CLDN16: variants seen among roughly 807,000 people sequenced by gnomAD.
CLDN16 encodes claudin-16.
In CLDN16, 13 loss-of-function variants were observed where a neutral mutation model predicts 24.6. The observed-to-expected ratio is 0.53, with a 90% CI of 0.34 to 0.84. The LOEUF (loss-of-function observed/expected upper bound fraction) is 0.84. CLDN16 is among the 40% of genes least tolerant of loss of function. The pLI is 0.01. For synonymous variants in CLDN16, 116 were observed against 106.7 expected (o/e 1.09, Z -0.54); for missense variants, 298 against 292.7 (o/e 1.02, Z -0.13).
intron 1 of CLDN16, among the ~76,000 whole-genome samples, chr3:190,340,171 A>G (rs890029333): frequency 6.6e-6 from 1 of 152,210 alleles, no homozygotes; most frequent in African/African-American, 2.4e-5. Context: ...CCTCAATGTA[A>G]TAAGGGCTAT....
At chr3:190,375,892 C>T (rs1388418465) in intron 3 of CLDN16, among the ~76,000 whole-genome samples, 3 of 150,190 alleles carry the variant, frequency 2.0e-5, no homozygotes, top group African/African-American at 7.4e-5. Context: ...CACAAAAAAA[C>T]ACCCTGAGTT....
At chr3:190,356,480 C>G (rs764533685) in intron 1 of CLDN16, among the ~76,000 whole-genome samples, 5 of 151,768 alleles carry the variant, frequency 3.3e-5, no homozygotes, top group African/African-American at 1.2e-4. Flanking sequence ...CTGCCAGGCC[C>G]AAATACCACT....
chr3:190,409,681 A>G (rs1267586108), intron 4 of CLDN16, among the ~76,000 whole-genome samples: 2 of 152,086 alleles, frequency 1.3e-5, no homozygotes, highest in Non-Finnish European at 2.9e-5. Flanking sequence ...ATGAAGAAAA[A>G]AAAAATAACA....
the CLDN16 span, chr3:190,310,074 C>T: frequency 2.0e-6 from 2 of 1,010,164 alleles, no homozygotes; most frequent in South Asian, 1.3e-5. Flanking sequence ...TTCTTGAAAG[C>T]AAATCTGGGA....
chr3:190,379,073 G>A (rs747039146), intron 3 of CLDN16, among the ~76,000 whole-genome samples: 3 of 152,016 alleles, frequency 2.0e-5, no homozygotes, highest in South Asian at 2.1e-4. Context: ...GCAAAGAAAC[G>A]TACTTGATTT....
intron 1 of CLDN16, among the ~76,000 whole-genome samples, chr3:190,338,612 G>A (rs1183434371): frequency 6.6e-6 from 1 of 152,164 alleles, no homozygotes; most frequent in African/African-American, 2.4e-5. Context: ...ATGAACTGAA[G>A]TCCTAGCTGA....
At chr3:190,292,497 C>T in the CLDN16 span, among the ~76,000 whole-genome samples, 1 of 152,160 alleles carries the variant, frequency 6.6e-6, no homozygotes, top group African/African-American at 2.4e-5. Context: ...CTCTGACATG[C>T]CCTGGAGATA....
the CLDN16 span, among the ~76,000 whole-genome samples, chr3:190,292,405 G>A: frequency 2.0e-5 from 3 of 152,208 alleles, no homozygotes; most frequent in Admixed American, 2.0e-4. Flanking sequence ...GTATACAGCA[G>A]TATGGCCCTG....
intron 1 of CLDN16, among the ~76,000 whole-genome samples, chr3:190,346,923 T>A (rs1717563521): frequency 6.6e-6 from 1 of 152,186 alleles, no homozygotes; most frequent in Admixed American, 6.5e-5. Context: ...CAGTATTACC[T>A]TATTACTTCC....
the CLDN16 span, chr3:190,307,723 A>G: frequency 6.5e-6 from 1 of 152,920 alleles, no homozygotes; most frequent in Admixed American, 6.5e-5. Flanking sequence ...ACGCATGAAG[A>G]ATTGAAAGAA....
the CLDN16 span, among the ~76,000 whole-genome samples, chr3:190,291,260 C>T: frequency 6.6e-6 from 1 of 152,142 alleles, no homozygotes; most frequent in African/African-American, 2.4e-5. Flanking sequence ...ATGTATTAGT[C>T]TGTTCTCATA....
intron 1 of CLDN16, among the ~76,000 whole-genome samples, chr3:190,329,263 T>C (rs9809713): frequency 0.5 from 75,222 of 151,916 alleles, 18,883 homozygotes; most frequent in East Asian, 0.7. Flanking sequence ...CCACCAGAGA[T>C]GGGTGAAAGT....
At chr3:190,334,243 T>C (rs1244521560) in intron 1 of CLDN16, among the ~76,000 whole-genome samples, 2 of 152,146 alleles carry the variant, frequency 1.3e-5, no homozygotes, top group African/African-American at 4.8e-5. Flanking sequence ...TGAGGGAAGT[T>C]GTAGTGGGCT....
chr3:190,366,458 C>T (rs1246349170), intron 1 of CLDN16, among the ~76,000 whole-genome samples: 8 of 151,852 alleles, frequency 5.3e-5, no homozygotes, highest in African/African-American at 1.4e-4. Flanking sequence ...GTATCTTAGG[C>T]CCACTCCTGA....
intron 1 of CLDN16, among the ~76,000 whole-genome samples, chr3:190,324,153 A>G (rs1717005412): frequency 6.6e-6 from 1 of 152,272 alleles, no homozygotes; most frequent in Non-Finnish European, 1.5e-5. Context: ...TTTGTTCCAA[A>G]CATTTAAGAA....
intron 2 of CLDN16, among the ~76,000 whole-genome samples, chr3:190,371,955 GT>G (rs1718152355): frequency 6.6e-6 from 1 of 151,904 alleles, no homozygotes. Flanking sequence ...GCCACCATAA[GT>G]TTTTGCGTCT....
rs1179683712 is a variant in CLDN16, at chr3:190,411,086, C to T, written c.*1050C>T. 6.6e-6 allele frequency: 1 copy of T among 152,120 alleles called. No individual in the cohort carries two copies. Among genetic ancestry groups the T allele is most frequent in the Non-Finnish European group, 1.5e-5 (1 of 68,074 alleles). 9.4% of individuals were successfully genotyped at this position (152,120 alleles called of 1,614,324 possible). A position where few individuals can be genotyped will look rare whatever the true frequency, so the allele number is the denominator to read the frequency against. On this transcript the variant is annotated 3_prime_UTR_variant, in exon 5 of 5. Coordinates refer to ENST00000264734, the MANE Select transcript of CLDN16 (RefSeq NM_006580.4). ...GACCATCCTGGCTAACATGGTGAAA[C>T]CCTGTCTCTACTAAAAATACAAAAA...
chr3:190,315,146 C>A, the CLDN16 span, among the ~76,000 whole-genome samples: 1 of 152,166 alleles, frequency 6.6e-6, no homozygotes, highest in Non-Finnish European at 1.5e-5. Context: ...ATACATAACA[C>A]AGATTTCAGA....
chr3:190,386,730 C>A (rs1718507372), upstream of CLDN16, among the ~76,000 whole-genome samples: 1 of 152,112 alleles, frequency 6.6e-6, no homozygotes, highest in African/African-American at 2.4e-5. Flanking sequence ...GTACTGTAGA[C>A]CCTATGTATA....
Sources: allele counts gnomAD v4.1 joint callset (sites outside exome capture counted in the v4.1 genomes callset), GRCh38; gene constraint gnomAD v4.1.1; transcripts MANE v1.5; gene names NCBI Gene and HGNC (gene_info 2026-07-23, HGNC 2026-07-21).